Variants in PARD3B observed in about 807,000 individuals in gnomAD.
PARD3B encodes par-3 family cell polarity regulator beta, also known as partitioning defective 3 homolog B.
In PARD3B, 103 loss-of-function variants were observed where a neutral mutation model predicts 130.2. The ratio of observed to expected loss-of-function variants is 0.79; its 90% CI spans 0.67 to 0.93. The LOEUF (loss-of-function observed/expected upper bound fraction) is 0.93, where lower values mean the gene tolerates loss of function less well. Ranked by LOEUF, PARD3B falls within the 40% of genes least tolerant of loss-of-function variation. The pLI is 0.00. For missense variants in PARD3B, 1,609 were observed against 1,499.2 expected, an observed-to-expected ratio of 1.07 and a Z score of -1.21; for synonymous variants, 583 against 553.2, an observed-to-expected ratio of 1.05 and a Z score of -0.76.
chr2:204,871,454 C>T (rs1299126168), intron 2 of PARD3B, among the ~76,000 whole-genome samples: 1 of 152,156 alleles, frequency 6.6e-6, no homozygotes, highest in East Asian at 1.9e-4. Context: ...ATTCAGAACA[C>T]TTAGAACAAT....
chr2:204,713,259 A>G (rs748626574), intron 2 of PARD3B, among the ~76,000 whole-genome samples: 3 of 151,964 alleles, frequency 2.0e-5, no homozygotes, highest in Non-Finnish European at 2.9e-5. Flanking sequence ...TATTTTTATA[A>G]TTTACAAGAT....
In PARD3B at chr2:205,366,659, A is replaced by G. The variant is rs2044621400; in HGVS notation, c.2631-34354A>G. Among the ~76,000 whole-genome samples, 1 of 151,756 alleles carries G rather than the reference A, an allele frequency of 6.6e-6. No individual in the cohort carries two copies. Among genetic ancestry groups the G allele is most frequent in the South Asian group, 2.1e-4 (1 of 4,820 alleles). On this transcript the variant is annotated intron_variant, in intron 18 of 22. Coordinates refer to ENST00000406610, the MANE Select transcript of PARD3B (RefSeq NM_001302769.2). This position sits in a 1 kb window ranked among gnomAD's most constrained non-coding sequence, Gnocchi z 5.0. Reference sequence around the variant, plus strand: ...CTCAAATCTGTCTCCTCTCAAGCCTAAATTCACACTTTTTTTTTTCTTTAA... The same window carrying G: ...CTCAAATCTGTCTCCTCTCAAGCCTGAATTCACACTTTTTTTTTTCTTTAA...
intron 1 of PARD3B, among the ~76,000 whole-genome samples, chr2:204,578,937 TG>T (rs1361217638): frequency 6.6e-6 from 1 of 151,956 alleles, no homozygotes; most frequent in East Asian, 1.9e-4. Flanking sequence ...GATGGGAGTA[TG>T]GAAGAGATGA....
chr2:205,391,161 G>A (rs1463784067), intron 18 of PARD3B, among the ~76,000 whole-genome samples: 1 of 152,188 alleles, frequency 6.6e-6, no homozygotes, highest in Non-Finnish European at 1.5e-5. Context: ...AGTGAAGTAT[G>A]GTTTGGTCTC....
intron 18 of PARD3B, among the ~76,000 whole-genome samples, chr2:205,384,120 G>T (rs958244190): frequency 3.9e-5 from 6 of 152,004 alleles, no homozygotes; most frequent in Non-Finnish European, 8.8e-5. Flanking sequence ...TCCAAGGAGG[G>T]TTACAGCCAA....
intron 21 of PARD3B, among the ~76,000 whole-genome samples, chr2:205,535,073 A>C (rs1050987695): frequency 1.3e-5 from 2 of 152,182 alleles, no homozygotes; most frequent in African/African-American, 4.8e-5. Context: ...TCTTAGCTCT[A>C]CATCTACTGT....
intron 10 of PARD3B, among the ~76,000 whole-genome samples, chr2:205,134,838 G>A (rs540314202): frequency 6.6e-6 from 1 of 152,040 alleles, no homozygotes; most frequent in Admixed American, 6.5e-5. Flanking sequence ...TTGCTGGGTT[G>A]TATGGCTTCC....
chr2:204,990,680 T>C (rs1370566828), intron 3 of PARD3B, among the ~76,000 whole-genome samples: 1 of 152,160 alleles, frequency 6.6e-6, no homozygotes, highest in African/African-American at 2.4e-5. Flanking sequence ...CCCCAGTTAA[T>C]GACTTGTCTT....
chr2:205,541,343 C>CT (rs1173719743), intron 21 of PARD3B, among the ~76,000 whole-genome samples: 1 of 113,268 alleles, frequency 8.8e-6, no homozygotes, highest in African/African-American at 3.0e-5. Context: ...CTCACAGAAA[C>CT]TTTGTTTTTT....
chr2:205,019,700 G>A (rs566925044), intron 3 of PARD3B, among the ~76,000 whole-genome samples: 7 of 152,138 alleles, frequency 4.6e-5, no homozygotes, highest in Non-Finnish European at 1.0e-4. Context: ...GGTATTCACT[G>A]TAGTTTTGAT....
chr2:205,271,864 T>C (rs994706634), intron 16 of PARD3B, among the ~76,000 whole-genome samples: 19 of 152,108 alleles, frequency 1.2e-4, no homozygotes, highest in African/African-American at 4.3e-4. Context: ...CCAAGATTAG[T>C]GAAAGATGCT....
intron 22 of PARD3B, among the ~76,000 whole-genome samples, chr2:205,570,557 G>A (rs148073119): frequency 6.4e-4 from 97 of 152,286 alleles, no homozygotes; most frequent in African/African-American, 2.3e-3. Context: ...AGCACAGTGT[G>A]TATATATATT....
chr2:204,680,847 T>A (rs1212642013), intron 1 of PARD3B, among the ~76,000 whole-genome samples: 1 of 152,190 alleles, frequency 6.6e-6, no homozygotes, highest in African/African-American at 2.4e-5. Flanking sequence ...ATATTTTAAA[T>A]GATTTCAGAC....
rs766117903 is a variant in PARD3B at position 204,967,541 on chromosome 2, CA to C, written c.394+2219del. Among the ~76,000 whole-genome samples, 10 of 152,170 alleles carry C rather than the reference CA, an allele frequency of 6.6e-5. No individual in the cohort carries two copies. The highest frequency in any genetic ancestry group is 9.7e-5 in the African/African-American group (4 of 41,448). On this transcript the variant is annotated intron_variant, in intron 3 of 22. Coordinates refer to ENST00000406610, the MANE Select transcript of PARD3B (RefSeq NM_001302769.2). The surrounding 1 kb of genome is among the most constrained non-coding windows in gnomAD (Gnocchi z 4.4). ...ATCTAAACTCGTTAGCAAGCTGATG[CA>C]GATGGTTCCTCTGAATCAGCAGGAG...
At chr2:204,800,030 A>C (rs575636939) in intron 2 of PARD3B, among the ~76,000 whole-genome samples, 2 of 152,304 alleles carry the variant, frequency 1.3e-5, no homozygotes, top group Admixed American at 1.3e-4. Context: ...CACCAAACAA[A>C]TAAAGTACCA....
Position 205,154,233 on chromosome 2 carries a change from G to A in PARD3B, c.1435-4489G>A, listed in dbSNP as rs533490837. Among the ~76,000 whole-genome samples, 42 of 152,296 alleles carry A rather than the reference G, an allele frequency of 2.8e-4. No individual in the cohort carries two copies. In the South Asian group the frequency reaches 8.3e-3, roughly 30 times the overall value. On this transcript the variant is annotated intron_variant, in intron 10 of 22. Coordinates refer to ENST00000406610, the MANE Select transcript of PARD3B (RefSeq NM_001302769.2). ...CAAGCAACCCCATCCAAAAGTGGGT[G>A]AAGGATATGAAAAAACACTTCTCAA...
Position 205,584,515 on chromosome 2 carries a change from TA to T in PARD3B, c.3261-30936del, listed in dbSNP as rs2054121634. ...CAACATAGCGAAACCCCATCCCTAC[TA>T]AAAATACAAAAATTAGCCGGGTGTG... On this transcript the variant is annotated intron_variant, in intron 22 of 22. Coordinates refer to ENST00000406610, the MANE Select transcript of PARD3B (RefSeq NM_001302769.2). The surrounding 1 kb of genome is among the most constrained non-coding windows in gnomAD (Gnocchi z 5.5). Among the ~76,000 whole-genome samples, 13 of 151,824 alleles carry T rather than the reference TA, an allele frequency of 8.6e-5. No individual in the cohort carries two copies. In the South Asian group the frequency reaches 2.7e-3, roughly 32 times the overall value.
Position 205,550,755 on chromosome 2 carries a change from T to G in PARD3B, c.3181-2569T>G, listed in dbSNP as rs2106486433. ...ATTTCATAGGTGTGTGTATGTATACTATATATAAATACATATATGTATATA... is the reference window on the plus strand; with the variant it reads ...ATTTCATAGGTGTGTGTATGTATACGATATATAAATACATATATGTATATA... On this transcript the variant is annotated intron_variant, in intron 21 of 22. Transcript: ENST00000406610. The surrounding 1 kb of genome is among the most constrained non-coding windows in gnomAD (Gnocchi z 4.5). Among the ~76,000 whole-genome samples, 1 of 151,384 alleles carries G rather than the reference T, an allele frequency of 6.6e-6. No homozygotes were observed. The highest frequency in any genetic ancestry group is 2.1e-4 in the South Asian group (1 of 4,806).
intron 2 of PARD3B, among the ~76,000 whole-genome samples, chr2:204,828,074 T>C (rs1384024163): frequency 1.3e-5 from 2 of 152,172 alleles, no homozygotes; most frequent in East Asian, 3.9e-4. Context: ...ATGTAGTGCA[T>C]CTGAACTACA....
Sources: allele counts gnomAD v4.1 joint callset (sites outside exome capture counted in the v4.1 genomes callset), GRCh38; gene constraint gnomAD v4.1.1; non-coding constraint Gnocchi (gnomAD v3.1); transcripts MANE v1.5; gene names NCBI Gene and HGNC (gene_info 2026-07-23, HGNC 2026-07-21).